Variants in TTLL1 observed in about 807,000 individuals in gnomAD.
The protein encoded by TTLL1 is polyglutamylase complex subunit TTLL1.
A neutral mutation model predicts 47.8 loss-of-function variants in TTLL1; 33 were observed. The observed-to-expected ratio is 0.69, with a 90% CI of 0.52 to 0.92. The LOEUF (loss-of-function observed/expected upper bound fraction) is 0.92. TTLL1 is among the 40% of genes least tolerant of loss of function. The pLI is 0.00. For missense variants in TTLL1, 488 were observed against 547.5 expected (o/e 0.89, Z 1.08); for synonymous variants, 225 against 214.1 (o/e 1.05, Z -0.45).
At chr22:43,088,565 G>C (rs569356758) in intron 1 of TTLL1, among the ~76,000 whole-genome samples, 1 of 150,500 alleles carries the variant, frequency 6.6e-6, no homozygotes, top group Non-Finnish European at 1.5e-5. Flanking sequence ...GGATGGTCTC[G>C]ATCTCCTGAC....
chr22:43,073,438 C>A (rs928840701), intron 3 of TTLL1, among the ~76,000 whole-genome samples: 1 of 151,926 alleles, frequency 6.6e-6, no homozygotes, highest in African/African-American at 2.4e-5. Flanking sequence ...CTCACTGCAA[C>A]CTCTGCCTCC....
chr22:43,062,192 G>T (rs1927428050), intron 7 of TTLL1, among the ~76,000 whole-genome samples: 1 of 149,664 alleles, frequency 6.7e-6, no homozygotes, highest in Non-Finnish European at 1.5e-5. Context: ...TGAAAATATT[G>T]TAAGTTGAAA....
At chr22:43,053,170 CCA>C (rs1248270697) in intron 8 of TTLL1, among the ~76,000 whole-genome samples, 7 of 152,160 alleles carry the variant, frequency 4.6e-5, no homozygotes, top group African/African-American at 2.4e-5. Flanking sequence ...TGGAGACGCA[CCA>C]CAGTTTTACA....
At chr22:43,085,122 G>A (rs1323750803) in intron 1 of TTLL1, among the ~76,000 whole-genome samples, 6 of 151,984 alleles carry the variant, frequency 3.9e-5, no homozygotes, top group African/African-American at 1.2e-4. Context: ...GACTACAGGC[G>A]CATGCCACCA....
chr22:43,050,513 GTT>G (rs71186562), intron 9 of TTLL1, among the ~76,000 whole-genome samples: 4 of 144,020 alleles, frequency 2.8e-5, no homozygotes, highest in South Asian at 2.2e-4. Context: ...GTTTTTTTTT[GTT>G]TTTTTTTTTG....
intron 3 of TTLL1, among the ~76,000 whole-genome samples, chr22:43,074,457 A>C (rs900057928): frequency 6.6e-6 from 1 of 151,662 alleles, no homozygotes. Flanking sequence ...GAAAGAAAGA[A>C]AGAAAAAAAA....
chr22:43,049,687 T>C (rs902123383), intron 9 of TTLL1, among the ~76,000 whole-genome samples: 1 of 150,798 alleles, frequency 6.6e-6, no homozygotes, highest in Non-Finnish European at 1.5e-5. Context: ...GAAGATCACT[T>C]AAGCTCAGAA....
At chr22:43,080,644 C>T (rs1391948538) in intron 1 of TTLL1, among the ~76,000 whole-genome samples, 1 of 152,088 alleles carries the variant, frequency 6.6e-6, no homozygotes, top group East Asian at 1.9e-4. Flanking sequence ...CCACCTGGAA[C>T]GGCCCCTCTG....
chr22:43,058,349 G>C (rs192306397), intron 8 of TTLL1, among the ~76,000 whole-genome samples: 1 of 152,028 alleles, frequency 6.6e-6, no homozygotes, highest in Non-Finnish European at 1.5e-5. Context: ...AACAAAACAC[G>C]AATGCCAACT....
At chr22:43,043,259 C>G (rs1022766025) in intron 10 of TTLL1, among the ~76,000 whole-genome samples, 1 of 151,926 alleles carries the variant, frequency 6.6e-6, no homozygotes, top group African/African-American at 2.4e-5. Flanking sequence ...GCTTCTTGGC[C>G]GGGAAATGGC....
At position 43,069,688 on chromosome 22, in the gene TTLL1, T is replaced by A. The variant is rs758907821; in HGVS notation, c.270A>T (p.Lys90Asn). 6.2e-7 allele frequency: 1 copy of A among 1,614,224 alleles called. No individual in the cohort carries two copies. Among genetic ancestry groups the A allele is most frequent in the Non-Finnish European group, 8.5e-7 (1 of 1,180,042 alleles). Residue 90 changes from lysine to asparagine, a missense_variant, in exon 4 of 11, where the codon AAA becomes AAT. Lys to Asn is a moderately conservative substitution (Grantham distance 94). Coordinates refer to ENST00000266254, the MANE Select transcript of TTLL1 (RefSeq NM_012263.5). Reference sequence around the variant, plus strand: ...CTTTTTCTGCCAGAGGACTCCCTTCTTTCTCCAGCTCCTTCCTGTATCTTT... The same window carrying A: ...CTTTTTCTGCCAGAGGACTCCCTTCATTCTCCAGCTCCTTCCTGTATCTTT... ...NIKRYRKELEKEGSPLAEKDE... is the reference protein window; with the variant it reads ...NIKRYRKELENEGSPLAEKDE...
rs555433413 is a variant in TTLL1, at chr22:43,071,225, A to G, written c.114-1381T>C. 3.4e-3 allele frequency among the ~76,000 whole-genome samples: 519 copies of G among 151,848 alleles called. 1 individual carries two copies. The highest frequency in any genetic ancestry group is 0.012 in the African/African-American group (507 of 41,396). ...AGCCACCGTGCTTGGCAACGGCAGG[A>G]ATACTTCTATAGGGACAAGCTTCCC... On this transcript the variant is annotated intron_variant, in intron 3 of 10. Transcript: ENST00000266254.
chr22:43,046,400 A>G lies in TTLL1; in HGVS notation c.1142+10T>C. On this transcript the variant is annotated intron_variant, in intron 10 of 10. Transcript: ENST00000266254. ...CAGAAGGACAAGCGCACAGTCACAC[A>G]CACACTTACAGAATCTCGTAATTGC... is the stretch of plus-strand genomic sequence containing the variant. 1 of 1,613,876 alleles carries G rather than the reference A, an allele frequency of 6.2e-7. No homozygotes were observed.
chr22:43,069,881 T>C (rs199772701), intron 3 of TTLL1, 37 bp from the exon 4 acceptor site: 13 of 1,610,346 alleles, frequency 8.1e-6, no homozygotes, highest in Non-Finnish European at 2.5e-6. Context: ...TTGGCAGTGA[T>C]GTCTGTGTGG....
chr22:43,082,819 G>C (rs1464399710), intron 1 of TTLL1, among the ~76,000 whole-genome samples: 1 of 151,374 alleles, frequency 6.6e-6, no homozygotes, highest in African/African-American at 2.4e-5. Context: ...TTTGAGACCA[G>C]CCTGGCCAAC....
At chr22:43,054,786 C>T (rs191721322) in intron 8 of TTLL1, among the ~76,000 whole-genome samples, 11 of 131,256 alleles carry the variant, frequency 8.4e-5, no homozygotes, top group East Asian at 7.3e-4. Flanking sequence ...AGTGCAGTGG[C>T]GCAATCTCGG....
chr22:43,047,396 G>T (rs1342270310), intron 9 of TTLL1, among the ~76,000 whole-genome samples: 1 of 151,210 alleles, frequency 6.6e-6, no homozygotes, highest in Non-Finnish European at 1.5e-5. Context: ...GCTAAGCAAC[G>T]TCACAAGATC....
intron 1 of TTLL1, among the ~76,000 whole-genome samples, chr22:43,085,302 T>C (rs866868260): frequency 9.9e-5 from 15 of 152,186 alleles, no homozygotes; most frequent in African/African-American, 3.1e-4. Context: ...AGCTCTAGCA[T>C]GTGTCAGGTA....
intron 2 of TTLL1, among the ~76,000 whole-genome samples, chr22:43,077,803 G>A (rs949055247): frequency 3.9e-5 from 6 of 152,172 alleles, no homozygotes; most frequent in Non-Finnish European, 5.9e-5. Flanking sequence ...CAATTCACAC[G>A]TTGTACTTAA....
Sources: allele counts gnomAD v4.1 joint callset (sites outside exome capture counted in the v4.1 genomes callset), GRCh38; gene constraint gnomAD v4.1.1; transcripts MANE v1.5; gene names NCBI Gene and HGNC (gene_info 2026-07-23, HGNC 2026-07-21).